Variants in GRIP1 observed in about 807,000 individuals in gnomAD.
GRIP1 encodes glutamate receptor-interacting protein 1.
Under a neutral mutation model 129.9 loss-of-function variants are expected in GRIP1, and 45 were observed. The ratio of observed to expected loss-of-function variants is 0.35; its 90% CI spans 0.27 to 0.44. The LOEUF is 0.44. Ranked by LOEUF, GRIP1 falls within the 20% of genes least tolerant of loss-of-function variation. The pLI, the probability that GRIP1 is intolerant of heterozygous loss-of-function variation, is 1.00. For synonymous variants in GRIP1, 530 were observed against 520.8 expected (o/e 1.02, Z -0.24); for missense variants, 1,196 against 1,396.8 (o/e 0.86, Z 2.29).
chr12:66,363,128 C>T (rs992398403), intron 23 of GRIP1, among the ~76,000 whole-genome samples: 2 of 143,980 alleles, frequency 1.4e-5, no homozygotes, highest in Non-Finnish European at 1.5e-5. Flanking sequence ...TATATATATA[C>T]ACACACACAT....
chr12:66,576,877 C>CCTGT (rs2063155251), intron 2 of GRIP1, among the ~76,000 whole-genome samples: 1 of 152,146 alleles, frequency 6.6e-6, no homozygotes, highest in Non-Finnish European at 1.5e-5. Context: ...AAGAATAAGA[C>CCTGT]CTGTATGTGT....
chr12:66,982,978 T>C (rs1213780814), intron 1 of GRIP1, among the ~76,000 whole-genome samples: 2 of 152,222 alleles, frequency 1.3e-5, no homozygotes, highest in Non-Finnish European at 2.9e-5. Context: ...TACAGTTTTC[T>C]TGATAAAAAG....
intron 2 of GRIP1, among the ~76,000 whole-genome samples, chr12:66,567,377 T>A (rs1469708360): frequency 6.6e-6 from 1 of 152,210 alleles, no homozygotes; most frequent in Non-Finnish European, 1.5e-5. Flanking sequence ...TTCATTTCAT[T>A]ATTTACCCAG....
At chr12:66,787,070 AC>A (rs1807460798) in intron 1 of GRIP1, among the ~76,000 whole-genome samples, 1 of 152,118 alleles carries the variant, frequency 6.6e-6, no homozygotes, top group East Asian at 1.9e-4. Context: ...AAATTTACGC[AC>A]AAGTAACCTT....
intron 1 of GRIP1, among the ~76,000 whole-genome samples, chr12:66,825,428 G>A (rs560767972): frequency 6.6e-6 from 1 of 151,974 alleles, no homozygotes; most frequent in South Asian, 2.1e-4. Flanking sequence ...TTCTCACCAG[G>A]GAAAGTAGTT....
chr12:66,866,033 T>C (rs2040199573), intron 1 of GRIP1, among the ~76,000 whole-genome samples: 1 of 152,152 alleles, frequency 6.6e-6, no homozygotes, highest in African/African-American at 2.4e-5. Flanking sequence ...TTTCCTGGTC[T>C]TTCTGGACCA....
At chr12:66,860,303 A>G (rs544828893) in intron 1 of GRIP1, among the ~76,000 whole-genome samples, 2 of 152,208 alleles carry the variant, frequency 1.3e-5, no homozygotes, top group Admixed American at 6.6e-5. Context: ...TCCTTTCAGG[A>G]CAGTGGTATC....
chr12:66,613,928 A>C (rs2064926237), intron 1 of GRIP1, among the ~76,000 whole-genome samples: 1 of 152,210 alleles, frequency 6.6e-6, no homozygotes, highest in Non-Finnish European at 1.5e-5. Context: ...GTTTGAAGAC[A>C]CATCAGCATT....
At chr12:66,374,683 A>G (rs2137325180) in intron 22 of GRIP1, among the ~76,000 whole-genome samples, 1 of 152,344 alleles carries the variant, frequency 6.6e-6, no homozygotes, top group Non-Finnish European at 1.5e-5. Flanking sequence ...GAGAGACCAC[A>G]GTTTTGCTTT....
chr12:67,040,826 G>T (rs750726668), intron 1 of GRIP1, among the ~76,000 whole-genome samples: 23 of 152,190 alleles, frequency 1.5e-4, no homozygotes, highest in Non-Finnish European at 2.9e-4. Flanking sequence ...GGACCACAGT[G>T]CCCAGATACT....
At chr12:67,003,313 T>C (rs982047195) in intron 1 of GRIP1, among the ~76,000 whole-genome samples, 2 of 152,208 alleles carry the variant, frequency 1.3e-5, no homozygotes, top group African/African-American at 4.8e-5. Flanking sequence ...TGTTTTTTCA[T>C]TTATAGTATT....
At chr12:66,813,777 C>T (rs921879170) in intron 1 of GRIP1, among the ~76,000 whole-genome samples, 1 of 152,176 alleles carries the variant, frequency 6.6e-6, no homozygotes. Context: ...GCCAGCTCAC[C>T]TCAGGCTTTC....
At chr12:66,862,448 C>G (rs1025657586) in intron 1 of GRIP1, among the ~76,000 whole-genome samples, 1 of 151,998 alleles carries the variant, frequency 6.6e-6, no homozygotes, top group East Asian at 1.9e-4. Flanking sequence ...TTCTGGGGCA[C>G]ATTAATTATG....
At chr12:67,011,508 C>T (rs1206058039) in intron 1 of GRIP1, among the ~76,000 whole-genome samples, 1 of 152,176 alleles carries the variant, frequency 6.6e-6, no homozygotes, top group Non-Finnish European at 1.5e-5. Flanking sequence ...TGCAGCTCCA[C>T]TGGCCTTCCT....
At chr12:66,663,152 T>C (rs2033610232) in intron 1 of GRIP1, among the ~76,000 whole-genome samples, 1 of 152,220 alleles carries the variant, frequency 6.6e-6, no homozygotes, top group Non-Finnish European at 1.5e-5. Context: ...AAGATGACTA[T>C]CATTCTTTAT....
intron 1 of GRIP1, among the ~76,000 whole-genome samples, chr12:66,842,866 A>G (rs2039745900): frequency 6.6e-6 from 1 of 152,190 alleles, no homozygotes; most frequent in South Asian, 2.1e-4. Flanking sequence ...CTGAAACAAT[A>G]AAGTACAGGA....
At chr12:66,519,429 G>A (rs1487583406) in intron 5 of GRIP1, among the ~76,000 whole-genome samples, 3 of 152,196 alleles carry the variant, frequency 2.0e-5, no homozygotes, top group African/African-American at 7.2e-5. Context: ...TGATCATAAA[G>A]GATAGGTTTG....
intron 1 of GRIP1, among the ~76,000 whole-genome samples, chr12:66,896,256 G>A (rs866604125): frequency 4.6e-5 from 7 of 152,098 alleles, no homozygotes; most frequent in Non-Finnish European, 1.0e-4. Flanking sequence ...TTGTGGTGAT[G>A]GAACTGCTAA....
rs553622105 is a variant in GRIP1 at position 66,408,244 on chromosome 12, C to G, written c.1839-1816G>C. 3.3e-5 allele frequency among the ~76,000 whole-genome samples: 5 copies of G among 152,126 alleles called. No individual in the cohort carries two copies. The South Asian group carries it at 1.0e-3, about 32-fold the overall frequency. ...CTGTAATCCCAGCACTTTGGGAGGC[C>G]GAGGTGGGTGGATCACTTGAGACCA... On this transcript the variant is annotated intron_variant, in intron 15 of 24. Transcript: ENST00000359742.
Sources: gnomAD v4.1 joint callset for allele counts (sites outside exome capture counted in the v4.1 genomes callset) on GRCh38, gnomAD v4.1.1 for gene constraint, MANE v1.5 for transcripts, NCBI Gene and HGNC (gene_info 2026-07-23, HGNC 2026-07-21) for gene names.